The following PRR16 variants were observed in gnomAD, a reference collection of about 807,000 sequenced individuals.
The protein encoded by PRR16 is proline rich 16.
Under a neutral mutation model 18.2 loss-of-function variants are expected in PRR16, and 6 were observed. The ratio of observed to expected loss-of-function variants is 0.33; its 90% CI spans 0.18 to 0.65. The LOEUF is 0.65. Among genes scored for constraint, PRR16 ranks in the 30% least tolerant of loss-of-function variants. The probability of loss-of-function intolerance (pLI) is 0.74; values close to 1 mark genes in which losing one functional copy is unlikely to be tolerated. For synonymous variants in PRR16, 151 were observed against 147.8 expected (o/e 1.02, Z -0.16); for missense variants, 412 against 376.6 (o/e 1.09, Z -0.78).
At chr5:120,473,795 C>T (rs1749349345) in intron 1 of PRR16, among the ~76,000 whole-genome samples, 1 of 152,094 alleles carries the variant, frequency 6.6e-6, no homozygotes, top group Admixed American at 6.6e-5. Flanking sequence ...AAAATAAACA[C>T]TAGTTTACAT....
At chr5:120,758,908 T>TCTTG in the PRR16 span, among the ~76,000 whole-genome samples, 2 of 152,090 alleles carry the variant, frequency 1.3e-5, no homozygotes, top group Non-Finnish European at 2.9e-5. Context: ...TTTTGAACAT[T>TCTTG]CTTGCTGATA....
intron 1 of PRR16, among the ~76,000 whole-genome samples, chr5:120,514,534 A>G (rs974379547): frequency 2.0e-5 from 3 of 152,232 alleles, no homozygotes; most frequent in Admixed American, 6.5e-5. Flanking sequence ...GAAGTCATGT[A>G]GTAAGTACCT....
At chr5:120,525,751 G>A (rs1431337083) in intron 1 of PRR16, among the ~76,000 whole-genome samples, 1 of 151,872 alleles carries the variant, frequency 6.6e-6, no homozygotes, top group Non-Finnish European at 1.5e-5. Flanking sequence ...ACATGTCAGT[G>A]CTTAAAAGTC....
intron 1 of PRR16, among the ~76,000 whole-genome samples, chr5:120,680,255 A>G (rs544483873): frequency 3.9e-5 from 6 of 152,178 alleles, no homozygotes; most frequent in African/African-American, 1.4e-4. Flanking sequence ...GATGTGTATT[A>G]TTTATTTCCA....
intron 1 of PRR16, among the ~76,000 whole-genome samples, chr5:120,549,995 C>G (rs1251296595): frequency 6.6e-6 from 1 of 151,992 alleles, no homozygotes; most frequent in Admixed American, 6.6e-5. Context: ...TCAGGAAAAT[C>G]AGATCAAAAC....
chr5:120,510,763 A>G (rs1032572276), intron 1 of PRR16, among the ~76,000 whole-genome samples: 2 of 152,218 alleles, frequency 1.3e-5, no homozygotes, highest in Non-Finnish European at 2.9e-5. Context: ...AGACAGAGTC[A>G]ATAAATACAG....
chr5:120,578,295 A>C (rs894846639), intron 1 of PRR16, among the ~76,000 whole-genome samples: 2 of 152,192 alleles, frequency 1.3e-5, no homozygotes, highest in Non-Finnish European at 2.9e-5. Flanking sequence ...TCTTCTAAAA[A>C]AATGGGATAC....
chr5:120,558,732 CA>C (rs1320917006), intron 1 of PRR16, among the ~76,000 whole-genome samples: 1 of 151,950 alleles, frequency 6.6e-6, no homozygotes, highest in Non-Finnish European at 1.5e-5. Context: ...AACTGTTCTC[CA>C]TGGTGGTCAT....
intron 1 of PRR16, among the ~76,000 whole-genome samples, chr5:120,664,169 G>C (rs764130049): frequency 6.6e-6 from 1 of 152,008 alleles, no homozygotes; most frequent in Non-Finnish European, 1.5e-5. Flanking sequence ...TATGGTGGCA[G>C]ATGCGTGTAA....
chr5:120,621,075 C>T (rs1481135883), intron 1 of PRR16, among the ~76,000 whole-genome samples: 1 of 152,036 alleles, frequency 6.6e-6, no homozygotes, highest in Non-Finnish European at 1.5e-5. Flanking sequence ...GTCAAATGTT[C>T]CTCCAAAATC....
intron 1 of PRR16, among the ~76,000 whole-genome samples, chr5:120,574,803 T>A (rs948516290): frequency 2.7e-5 from 4 of 149,086 alleles, no homozygotes; most frequent in African/African-American, 5.2e-5. Context: ...TTGGTAAAAA[T>A]GTAAATTGAC....
intron 1 of PRR16, among the ~76,000 whole-genome samples, chr5:120,608,111 T>C (rs1754214937): frequency 6.6e-6 from 1 of 152,216 alleles, no homozygotes. Flanking sequence ...CATATTTTGG[T>C]GGAAGCCCTT....
intron 1 of PRR16, among the ~76,000 whole-genome samples, chr5:120,484,571 A>T (rs1488533303): frequency 6.9e-6 from 1 of 145,928 alleles, no homozygotes; most frequent in Non-Finnish European, 1.5e-5. Context: ...TATATGAAAT[A>T]TATTCATTTA....
chr5:120,695,886 T>C, the PRR16 span, among the ~76,000 whole-genome samples: 1 of 151,672 alleles, frequency 6.6e-6, no homozygotes, highest in African/African-American at 2.4e-5. Flanking sequence ...TATCTGAATC[T>C]TATCATAACT....
rs981054393 is a variant in PRR16, at chr5:120,617,020, A to G, written c.160-68934A>G. 4.6e-6 allele frequency: 3 copies of G among 655,954 alleles called. No homozygotes were observed. In the African/African-American group the frequency reaches 5.9e-5, roughly 13 times the overall value. 40.6% of individuals were successfully genotyped at this position (655,954 alleles called of 1,614,324 possible). On this transcript the variant is annotated intron_variant, in intron 1 of 1. Coordinates refer to ENST00000407149, the MANE Select transcript of PRR16 (RefSeq NM_001300783.2). ...CCATCCATTCATAACCTCCTGCACCATGTCCAGTCCAGTGTTTTTTGGAAA... is the reference window on the plus strand; with the variant it reads ...CCATCCATTCATAACCTCCTGCACCGTGTCCAGTCCAGTGTTTTTTGGAAA...
the PRR16 span, among the ~76,000 whole-genome samples, chr5:120,782,781 C>A: frequency 6.6e-6 from 1 of 152,122 alleles, no homozygotes; most frequent in South Asian, 2.1e-4. Context: ...AATTTTGTGG[C>A]TGGTCCTGGT....
At chr5:120,485,342 C>A (rs1355275996) in intron 1 of PRR16, among the ~76,000 whole-genome samples, 5 of 152,092 alleles carry the variant, frequency 3.3e-5, no homozygotes, top group African/African-American at 1.2e-4. Context: ...TATTGATCAT[C>A]CTGTTTCAGA....
the PRR16 span, among the ~76,000 whole-genome samples, chr5:120,770,926 ACTCT>A: frequency 6.9e-5 from 9 of 131,362 alleles, no homozygotes; most frequent in South Asian, 2.7e-4. Flanking sequence ...TCATTGGAAC[ACTCT>A]CTCTCTCTCT....
intron 1 of PRR16, among the ~76,000 whole-genome samples, chr5:120,547,064 C>A (rs1042140084): frequency 3.9e-5 from 6 of 151,944 alleles, no homozygotes; most frequent in African/African-American, 1.4e-4. Flanking sequence ...ATTGCCATGG[C>A]ATTTGTAAAT....
Sources: gnomAD v4.1 joint callset for allele counts (sites outside exome capture counted in the v4.1 genomes callset) on GRCh38, gnomAD v4.1.1 for gene constraint, MANE v1.5 for transcripts, NCBI Gene and HGNC (gene_info 2026-07-23, HGNC 2026-07-21) for gene names.